Variants in PREX2 observed in about 807,000 individuals in gnomAD.
PREX2 encodes phosphatidylinositol 3,4,5-trisphosphate-dependent Rac exchanger 2 protein.
Under a neutral mutation model 203.2 loss-of-function variants are expected in PREX2, and 107 were observed. That is an observed-to-expected ratio of 0.53 (90% CI 0.45 to 0.62). The LOEUF (loss-of-function observed/expected upper bound fraction) is 0.62, where lower values mean the gene tolerates loss of function less well. Ranked by LOEUF, PREX2 falls within the 20% of genes least tolerant of loss-of-function variation. The pLI, the probability that PREX2 is intolerant of heterozygous loss-of-function variation, is 0.00. For synonymous variants in PREX2, 672 were observed against 663.6 expected, an observed-to-expected ratio of 1.01 and a Z score of -0.19; for missense variants, 1,777 against 1,955.9, an observed-to-expected ratio of 0.91 and a Z score of 1.72.
At chr8:68,223,323 A>T (rs561159148) in intron 38 of PREX2, 2 of 152,322 alleles carry the variant, frequency 1.3e-5, no homozygotes, top group South Asian at 4.1e-4. Context: ...GTTTTTAAAG[A>T]CTGGTTAAGT....
chr8:68,149,350 G>A (rs1276654333), intron 34 of PREX2, among the ~76,000 whole-genome samples: 1 of 152,168 alleles, frequency 6.6e-6, no homozygotes, highest in Non-Finnish European at 1.5e-5. Context: ...CAAGAACTGC[G>A]GAAGAACAGG....
intron 1 of PREX2, among the ~76,000 whole-genome samples, chr8:67,963,145 G>A (rs530122983): frequency 1.3e-5 from 2 of 152,150 alleles, no homozygotes; most frequent in African/African-American, 4.8e-5. Context: ...GGGTAGTGGG[G>A]TGTGAGCAGA....
chr8:68,196,433 TA>T (rs1394892929), intron 37 of PREX2, among the ~76,000 whole-genome samples: 27 of 147,220 alleles, frequency 1.8e-4, no homozygotes, highest in East Asian at 1.8e-3. Flanking sequence ...ATGAATTATA[TA>T]TTTTTTTATA....
intron 25 of PREX2, chr8:68,110,881 TTTCTA>T (rs1309194176): frequency 8.6e-6 from 3 of 350,232 alleles, no homozygotes; most frequent in Non-Finnish European, 1.7e-5. Flanking sequence ...TGTTTTTCTA[TTTCTA>T]ATATGCTAGT....
chr8:68,014,897 G>A (rs753258133), intron 1 of PREX2, among the ~76,000 whole-genome samples: 2 of 152,080 alleles, frequency 1.3e-5, no homozygotes, highest in Non-Finnish European at 2.9e-5. Context: ...AGACCTCTGG[G>A]GATAGGAATC....
intron 1 of PREX2, among the ~76,000 whole-genome samples, chr8:67,961,526 G>T (rs796912125): frequency 6.6e-5 from 10 of 152,042 alleles, no homozygotes; most frequent in African/African-American, 2.4e-4. Context: ...AAAAATTCAG[G>T]AAAAGCATCC....
At chr8:68,118,348 C>G (rs1810700580) in intron 26 of PREX2, among the ~76,000 whole-genome samples, 1 of 149,350 alleles carries the variant, frequency 6.7e-6, no homozygotes, top group South Asian at 2.1e-4. Flanking sequence ...GAGCGAAACT[C>G]CGTCTCCAAA....
At chr8:68,194,016 C>G (rs985441917) in intron 37 of PREX2, among the ~76,000 whole-genome samples, 3 of 152,306 alleles carry the variant, frequency 2.0e-5, no homozygotes, top group Admixed American at 2.0e-4. Context: ...GTACTTTGCT[C>G]TCTATTGCAA....
In PREX2 at chr8:68,080,595, TTGATA is replaced by T. The variant is rs766625387; in HGVS notation, c.1785+13_1785+17del. The T allele has an allele frequency of 6.3e-7, 1 of 1,585,886 alleles. No homozygotes were observed. Among genetic ancestry groups the T allele is most frequent in the East Asian group, 2.2e-5 (1 of 44,662 alleles). On this transcript the variant is annotated intron_variant, in intron 16 of 39. Coordinates refer to ENST00000288368, the MANE Select transcript of PREX2 (RefSeq NM_024870.4). ...AGCTAAGTCATTATTGGTAAGTTTATTGATATGTTATATAAGTTTTCTTCTTGATT... is the reference window on the plus strand; with the variant it reads ...AGCTAAGTCATTATTGGTAAGTTTATTGTTATATAAGTTTTCTTCTTGATT...
intron 1 of PREX2, among the ~76,000 whole-genome samples, chr8:67,997,025 A>C (rs182143284): frequency 1.6e-3 from 249 of 152,312 alleles, no homozygotes; most frequent in Middle Eastern, 6.8e-3. Context: ...GTTTCATCAG[A>C]TATGTAAATA....
At chr8:68,066,054 T>TG (rs1389038722) in intron 11 of PREX2, among the ~76,000 whole-genome samples, 7 of 152,166 alleles carry the variant, frequency 4.6e-5, no homozygotes, top group Non-Finnish European at 8.8e-5. Context: ...ACATTTAAGA[T>TG]CTACTCTCTT....
intron 37 of PREX2, among the ~76,000 whole-genome samples, chr8:68,197,990 A>C (rs1478870437): frequency 1.3e-5 from 2 of 151,920 alleles, no homozygotes; most frequent in Non-Finnish European, 2.9e-5. Context: ...TACTGTTCAA[A>C]TTTCAGTTTT....
chr8:68,078,115 C>T (rs565428853), intron 15 of PREX2, among the ~76,000 whole-genome samples: 24 of 152,118 alleles, frequency 1.6e-4, no homozygotes, highest in South Asian at 4.1e-4. Context: ...TTTTCCTGTT[C>T]GTAACATCAT....
Position 68,231,460 on chromosome 8 carries a change from C to A in PREX2, c.*82C>A. Reference sequence around the variant, plus strand: ...CTACATGCTGGCTAAACATTCTCCACTGAAGATACATCAATGCTTTTTTTT... The same window carrying A: ...CTACATGCTGGCTAAACATTCTCCAATGAAGATACATCAATGCTTTTTTTT... On this transcript the variant is annotated 3_prime_UTR_variant, in exon 40 of 40. Transcript: ENST00000288368. 4.0e-6 allele frequency: 4 copies of A among 1,005,396 alleles called. No individual in the cohort carries two copies. The highest frequency in any genetic ancestry group is 5.7e-6 in the Non-Finnish European group (4 of 704,076). 62.3% of individuals were successfully genotyped at this position (1,005,396 alleles called of 1,614,324 possible).
At chr8:68,080,881 A>G (rs1180259420) in intron 17 of PREX2, 43 bp downstream of exon 17, 5 of 1,074,472 alleles carry the variant, frequency 4.7e-6, no homozygotes, top group Non-Finnish European at 5.6e-6. Context: ...TTATCATGAC[A>G]TAAAAATAGA....
chr8:68,098,644 G>T (rs980288363), intron 22 of PREX2, among the ~76,000 whole-genome samples: 3 of 151,878 alleles, frequency 2.0e-5, no homozygotes, highest in Non-Finnish European at 4.4e-5. Flanking sequence ...GACAGCATAT[G>T]AACTAGTATT....
chr8:68,078,150 A>G lies in PREX2; in HGVS notation c.1642+681A>G, dbSNP rs189031662. Among the ~76,000 whole-genome samples the G allele has an allele frequency of 7.2e-5, 11 of 152,116 alleles. No individual in the cohort carries two copies. The East Asian group carries it at 2.1e-3, about 29-fold the overall frequency. On this transcript the variant is annotated intron_variant, in intron 15 of 39. Coordinates refer to ENST00000288368, the MANE Select transcript of PREX2 (RefSeq NM_024870.4). The stretch of plus-strand genomic sequence containing the variant: ...TATAGAATCCATAAACCCAAACAGT[A>G]GTCTCTCTCTTTTTATTTATTTATT...
At chr8:67,955,839 T>A (rs1805482539) in intron 1 of PREX2, among the ~76,000 whole-genome samples, 1 of 152,228 alleles carries the variant, frequency 6.6e-6, no homozygotes, top group Admixed American at 6.5e-5. Context: ...TCCTGTTTTC[T>A]TCCATTTGGT....
intron 1 of PREX2, among the ~76,000 whole-genome samples, chr8:67,965,493 ATATG>A (rs1443761885): frequency 1.3e-4 from 15 of 117,058 alleles, no homozygotes; most frequent in African/African-American, 5.3e-4. Context: ...TTATGAGTGT[ATATG>A]TATATATATA....
Sources: allele counts gnomAD v4.1 joint callset (sites outside exome capture counted in the v4.1 genomes callset), GRCh38; gene constraint gnomAD v4.1.1; transcripts MANE v1.5; gene names NCBI Gene and HGNC (gene_info 2026-07-23, HGNC 2026-07-21).